RAB39A: variants seen among roughly 807,000 people sequenced by gnomAD.
The protein encoded by RAB39A is RAB39A, member RAS oncogene family.
In RAB39A, 17 loss-of-function variants were observed where a neutral mutation model predicts 20.9. That is an observed-to-expected ratio of 0.81 (90% CI 0.56 to 1.22). The LOEUF (loss-of-function observed/expected upper bound fraction) is 1.22, where lower values mean the gene tolerates loss of function less well. RAB39A is among the 50% of genes most tolerant of loss of function. The pLI is 0.00. For synonymous variants in RAB39A, 99 were observed against 103.4 expected, an observed-to-expected ratio of 0.96 and a Z score of 0.26; for missense variants, 234 against 270.5, an observed-to-expected ratio of 0.87 and a Z score of 0.95.
At chr11:107,959,834 A>G (rs185028256) in intron 1 of RAB39A, among the ~76,000 whole-genome samples, 9 of 152,326 alleles carry the variant, frequency 5.9e-5, no homozygotes, top group Admixed American at 3.3e-4. Flanking sequence ...TGAGTTTGCT[A>G]AAAGACCATT....
chr11:107,953,764 A>G (rs990399651), intron 1 of RAB39A, among the ~76,000 whole-genome samples: 25 of 152,146 alleles, frequency 1.6e-4, no homozygotes, highest in African/African-American at 6.0e-4. Flanking sequence ...TTATGGGGAA[A>G]AAATACCACC....
At chr11:107,953,237 G>T (rs1861399420) in intron 1 of RAB39A, among the ~76,000 whole-genome samples, 1 of 152,160 alleles carries the variant, frequency 6.6e-6, no homozygotes, top group South Asian at 2.1e-4. Flanking sequence ...TATGTTGAAA[G>T]ATATAAGAGA....
At chr11:107,931,098 T>A (rs1301842216) in intron 1 of RAB39A, among the ~76,000 whole-genome samples, 3 of 150,834 alleles carry the variant, frequency 2.0e-5, no homozygotes, top group Non-Finnish European at 4.4e-5. Flanking sequence ...AGCCTCAGCC[T>A]CCCGAGTAGC....
At chr11:107,956,780 G>T (rs920409021) in intron 1 of RAB39A, among the ~76,000 whole-genome samples, 1 of 152,192 alleles carries the variant, frequency 6.6e-6, no homozygotes, top group African/African-American at 2.4e-5. Context: ...CTGCATGCTG[G>T]ACTGATCCAG....
At chr11:107,941,617 G>C (rs76708922) in intron 1 of RAB39A, among the ~76,000 whole-genome samples, 40,022 of 152,056 alleles carry the variant, frequency 0.26, 5,382 homozygotes, top group Middle Eastern at 0.34. Flanking sequence ...ATCATATAAA[G>C]TATTAGCACT....
chr11:107,956,123 A>G (rs563730624), intron 1 of RAB39A, among the ~76,000 whole-genome samples: 2 of 152,312 alleles, frequency 1.3e-5, no homozygotes, highest in South Asian at 4.1e-4. Flanking sequence ...CCTCAGTGTG[A>G]GAACATAAGA....
chr11:107,932,021 A>C (rs1861143111), intron 1 of RAB39A, among the ~76,000 whole-genome samples: 2 of 151,784 alleles, frequency 1.3e-5, no homozygotes, highest in Non-Finnish European at 2.9e-5. Context: ...CACCACGCCT[A>C]GCTAATTTTT....
In RAB39A at chr11:107,962,157, G is replaced by A. The variant is rs758455976; in HGVS notation, c.439G>A (p.Ala147Thr). 1.9e-6 allele frequency: 3 copies of A among 1,614,138 alleles called. No homozygotes were observed. In the South Asian group the frequency reaches 3.3e-5, roughly 18 times the overall value. Residue 147 changes from alanine (A) to threonine (T), a missense_variant, in exon 2 of 2, where the codon GCA becomes ACA. Transcript: ENST00000320578. ...AAGGGAAGAAGCTGAAAAACTGTCAGCAGACTGTGGAATGAAGTATATAGA... is the reference window on the plus strand; with the variant it reads ...AAGGGAAGAAGCTGAAAAACTGTCAACAGACTGTGGAATGAAGTATATAGA... ...VTREEAEKLS[A>T]DCGMKYIETS... is the part of the protein sequence containing the mutation.
At chr11:107,934,476 G>A (rs1176566410) in intron 1 of RAB39A, among the ~76,000 whole-genome samples, 1 of 152,100 alleles carries the variant, frequency 6.6e-6, no homozygotes, top group Admixed American at 6.6e-5. Flanking sequence ...GGTGCTCTAA[G>A]GAGTATAATT....
intron 1 of RAB39A, among the ~76,000 whole-genome samples, chr11:107,933,349 GTA>G (rs1163062389): frequency 4.4e-5 from 3 of 67,978 alleles, no homozygotes; most frequent in African/African-American, 1.6e-4. Flanking sequence ...GTGTGTGTGT[GTA>G]TTTCTTTCCT....
At chr11:107,936,934 C>CTAAA (rs1861200319) in intron 1 of RAB39A, among the ~76,000 whole-genome samples, 1 of 148,794 alleles carries the variant, frequency 6.7e-6, no homozygotes, top group Admixed American at 6.8e-5. Flanking sequence ...ACTCCCCCTC[C>CTAAA]AAAAAAAAAA....
chr11:107,931,046 T>C (rs144681123), intron 1 of RAB39A, among the ~76,000 whole-genome samples: 9,816 of 150,470 alleles, frequency 0.065, 355 homozygotes, highest in African/African-American at 0.1. Flanking sequence ...GCGCGATCTC[T>C]GCTCACTGCA....
chr11:107,946,297 G>A (rs1350074088), intron 1 of RAB39A, among the ~76,000 whole-genome samples: 1 of 125,588 alleles, frequency 8.0e-6, no homozygotes, highest in Non-Finnish European at 1.6e-5. Flanking sequence ...CAACCATAAA[G>A]GAACAGGATA....
intron 1 of RAB39A, among the ~76,000 whole-genome samples, chr11:107,937,909 T>C (rs540851421): frequency 1.3e-5 from 2 of 152,212 alleles, no homozygotes; most frequent in South Asian, 4.1e-4. Flanking sequence ...ATAATACAAA[T>C]GTATTATAAC....
intron 1 of RAB39A, among the ~76,000 whole-genome samples, chr11:107,936,934 C>CAA (rs71047650): frequency 6.7e-6 from 1 of 148,796 alleles, no homozygotes; most frequent in African/African-American, 2.5e-5. Flanking sequence ...ACTCCCCCTC[C>CAA]AAAAAAAAAA....
chr11:107,938,101 G>A (rs1200630304), intron 1 of RAB39A, among the ~76,000 whole-genome samples: 1 of 151,878 alleles, frequency 6.6e-6, no homozygotes. Flanking sequence ...GGTGGCTCAC[G>A]CCTGTAATCC....
chr11:107,945,293 G>A (rs1314648220), intron 1 of RAB39A, among the ~76,000 whole-genome samples: 2 of 130,736 alleles, frequency 1.5e-5, no homozygotes, highest in African/African-American at 5.9e-5. Flanking sequence ...GGCCAGCCTG[G>A]CAACACAGCA....
chr11:107,939,262 AAGAG>A (rs1398014930), intron 1 of RAB39A, among the ~76,000 whole-genome samples: 5,530 of 146,658 alleles, frequency 0.038, 195 homozygotes, highest in African/African-American at 0.088. Flanking sequence ...AAAAAAAAAA[AAGAG>A]AGAGAGAAGT....
intron 1 of RAB39A, among the ~76,000 whole-genome samples, chr11:107,933,890 A>G (rs919135379): frequency 6.6e-6 from 1 of 151,768 alleles, no homozygotes; most frequent in Non-Finnish European, 1.5e-5. Flanking sequence ...TCCTGACCTC[A>G]AGTGATCCAC....
Sources: gnomAD v4.1 joint callset for allele counts (sites outside exome capture counted in the v4.1 genomes callset) on GRCh38, gnomAD v4.1.1 for gene constraint, MANE v1.5 for transcripts, NCBI Gene and HGNC (gene_info 2026-07-23, HGNC 2026-07-21) for gene names.